Variants in OXGR1 observed in about 807,000 individuals in gnomAD.
The protein encoded by OXGR1 is oxoglutarate receptor 1, also known as 2-oxoglutarate receptor 1.
In OXGR1, 10 loss-of-function variants were observed where a neutral mutation model predicts 10.0. The observed-to-expected ratio is 1.00, with a 90% CI of 0.62 to 1.70. The LOEUF (loss-of-function observed/expected upper bound fraction) is 1.70, where lower values mean the gene tolerates loss of function less well. Ranked by LOEUF, OXGR1 falls within the 40% of genes most tolerant of loss-of-function variation. OXGR1 has a pLI of 0.00. For missense variants in OXGR1, 398 were observed against 407.6 expected (o/e 0.98, Z 0.20); for synonymous variants, 191 against 155.9 (o/e 1.22, Z -1.68).
At position 96,986,686 on chromosome 13, in the gene OXGR1, C is replaced by G. The variant is rs1242608682; in HGVS notation, c.*60G>C. 7.3e-6 allele frequency: 11 copies of G among 1,515,432 alleles called. No individual in the cohort carries two copies. In the African/African-American group the frequency reaches 1.4e-4, roughly 19 times the overall value. 93.9% of individuals were successfully genotyped at this position (1,515,432 alleles called of 1,614,324 possible). On this transcript the variant is annotated 3_prime_UTR_variant, in exon 4 of 4. Transcript: ENST00000541038. ...CCATTGAGGGAGACATCCTGAACAT[C>G]TTAGGATGCTAGGTAAAGTATCAGC...
At position 96,987,006 on chromosome 13, in the gene OXGR1, C is replaced by A. The variant is rs144457939; in HGVS notation, c.754G>T (p.Val252Leu). The A allele has an allele frequency of 1.9e-6, 3 of 1,614,174 alleles. No individual in the cohort carries two copies. The highest frequency in any genetic ancestry group is 2.2e-5 in the East Asian group (1 of 44,894). Residue 252 changes from valine to leucine, a missense_variant, in exon 4 of 4, where the codon GTA becomes TTA. Val to Leu is a conservative substitution (Grantham distance 32, BLOSUM62 1). Transcript: ENST00000541038. ...AAGATATGGAAGGGTAAAAAACATA[C>A]GTAAAATGCAAGGAGTAGCAGAATG... Reference protein sequence around the residue: ...LTILLLLAFYVCFLPFHILRV... With the variant: ...LTILLLLAFYLCFLPFHILRV...
At chr13:96,987,898 AAAATTATTC>A in intron 3 of OXGR1, 65 bp from the exon 4 acceptor site, 4 of 1,168,796 alleles carry the variant, frequency 3.4e-6, no homozygotes, top group Admixed American at 3.5e-5. Context: ...CTTTTAAATG[AAAATTATTC>A]TAACATCCTA....
intron 2 of OXGR1, among the ~76,000 whole-genome samples, chr13:96,990,032 C>A (rs184962470): frequency 7.1e-4 from 108 of 152,286 alleles, no homozygotes; most frequent in Non-Finnish European, 7.4e-5. Flanking sequence ...TAAATCATCT[C>A]TAGATTACTT....
At chr13:96,994,693 CTT>C (rs750331332), upstream of OXGR1, 22 of 145,784 alleles carry the variant, frequency 1.5e-4, no homozygotes, top group Middle Eastern at 3.5e-3. Context: ...CCCAGTGCCT[CTT>C]TTTTTTTTTT....
rs1327780008 is a variant in OXGR1, at chr13:96,986,397, C to T, written c.*349G>A. 4.9e-6 allele frequency: 1 copy of T among 204,858 alleles called. No homozygotes were observed. Among genetic ancestry groups the T allele is most frequent in the African/African-American group, 2.4e-5 (1 of 42,490 alleles). 12.7% of individuals were successfully genotyped at this position (204,858 alleles called of 1,614,324 possible). A position where few individuals can be genotyped will look rare whatever the true frequency, so the allele number is the denominator to read the frequency against. ...AAAGATTGGTTTTCTCCTATCTTGG[C>T]ACAAATTTACTGAGCAATCTAGGGC... On this transcript the variant is annotated 3_prime_UTR_variant, in exon 4 of 4. Transcript: ENST00000541038.
rs1279199724 is a variant in OXGR1, at chr13:96,987,089, G to C, written c.671C>G (p.Thr224Ser). The change falls in exon 4 of 4, where the codon ACT becomes AGT. Residue 224 changes from threonine to serine, a missense_variant. By Grantham distance (58) the Thr-to-Ser change is moderately conservative. Transcript: ENST00000541038. ...VTLCYTTIIH[T>S]LTHGLQTDSC... Reference sequence around the variant, plus strand: ...GTCAGTTTGCAGTCCATGGGTCAGAGTGTGGATAATCGTGGTATAGCAAAG... The same window carrying C: ...GTCAGTTTGCAGTCCATGGGTCAGACTGTGGATAATCGTGGTATAGCAAAG... 1.2e-6 allele frequency: 2 copies of C among 1,614,138 alleles called. No individual in the cohort carries two copies. The highest frequency in any genetic ancestry group is 1.3e-5 in the African/African-American group (1 of 74,942).
At position 96,987,716 on chromosome 13, in the gene OXGR1, G is replaced by T; in HGVS notation, c.44C>A (p.Pro15His). ...ATTTCCAAAAGCAGCTGCATAATCG[G>T]GGAAATCAGAAGCATTTGCTAAATA... ...LDYLANASDF[P>H]DYAAAFGNCT... is the part of the protein sequence containing the mutation. Residue 15 changes from proline (P) to histidine (H), a missense_variant, in exon 4 of 4, where the codon CCC (proline) becomes CAC (histidine). Transcript: ENST00000541038. 6.2e-7 allele frequency: 1 copy of T among 1,609,556 alleles called. No homozygotes were observed.
intron 2 of OXGR1, among the ~76,000 whole-genome samples, chr13:96,991,347 TGCCACAACTCA>T (rs1197618559): frequency 2.6e-5 from 4 of 152,186 alleles, no homozygotes; most frequent in Admixed American, 2.6e-4. Flanking sequence ...TGCAATTCAC[TGCCACAACTCA>T]GAACACCAGA....
intron 2 of OXGR1, among the ~76,000 whole-genome samples, chr13:96,990,179 C>T (rs1212609689): frequency 2.0e-5 from 3 of 152,174 alleles, no homozygotes; most frequent in Admixed American, 2.0e-4. Context: ...TGGATGGCTT[C>T]TCCCTTGGCA....
At chr13:96,988,336 T>G (rs7337843) in intron 3 of OXGR1, among the ~76,000 whole-genome samples, 81,747 of 151,938 alleles carry the variant, frequency 0.54, 22,331 homozygotes, top group South Asian at 0.67. Context: ...ACTCGCATTT[T>G]TCTGACTCAA....
rs565524916 is a variant in OXGR1, at chr13:96,987,625, G to C, written c.135C>G (p.Leu45=). 5 of 1,614,096 alleles carry C rather than the reference G, an allele frequency of 3.1e-6. No individual in the cohort carries two copies. In the South Asian group the frequency reaches 5.5e-5, roughly 18 times the overall value. The part of the protein sequence containing the change: ...YLPVIYGIIF[L]VGFPGNAVVI... ...CTACTGCATTGCCTGGAAATCCCAC[G>C]AGGAAGATAATGCCATAAATAACAG... Residue 45 remains leucine (L), a synonymous_variant, in exon 4 of 4, where the codon CTC becomes CTG. Coordinates refer to ENST00000541038, the MANE Select transcript of OXGR1 (RefSeq NM_001346194.2).
intron 2 of OXGR1, among the ~76,000 whole-genome samples, chr13:96,991,334 C>A (rs1362523272): frequency 2.0e-5 from 3 of 152,182 alleles, no homozygotes; most frequent in Non-Finnish European, 4.4e-5. Context: ...CTTCAGGGCC[C>A]AGTGCAATTC....
rs1458081087 is a variant in OXGR1 at position 96,986,936 on chromosome 13, G to C, written c.824C>G (p.Ser275Cys). ...IESRLLSISC[S>C]IENQIHEAYI... ...AGCTTCATGGATCTGATTCTCAATG[G>C]AACAACTGATTGAAAGCAGGCGAGA... The change falls in exon 4 of 4, where the codon TCC (serine) becomes TGC (cysteine). Residue 275 changes from serine to cysteine, a missense_variant. Ser to Cys is a moderately radical substitution (Grantham distance 112). Coordinates refer to ENST00000541038, the MANE Select transcript of OXGR1 (RefSeq NM_001346194.2). 6.2e-6 allele frequency: 10 copies of C among 1,613,996 alleles called. No homozygotes were observed. Among genetic ancestry groups the C allele is most frequent in the Non-Finnish European group, 8.5e-6 (10 of 1,180,002 alleles).
intron 3 of OXGR1, among the ~76,000 whole-genome samples, chr13:96,989,009 A>G (rs1455575954): frequency 6.6e-6 from 1 of 152,226 alleles, no homozygotes; most frequent in Non-Finnish European, 1.5e-5. Context: ...GGAAGTGGAC[A>G]TGGCAAATTA....
chr13:96,994,188 C>G (rs1188599225), intron 1 of OXGR1, 110 bp downstream of exon 1: 1 of 152,386 alleles, frequency 6.6e-6, no homozygotes, highest in African/African-American at 2.4e-5. Context: ...CGGGGGTGCT[C>G]TTTCCCCTGC....
At chr13:96,990,712 G>A (rs1045437683) in intron 2 of OXGR1, among the ~76,000 whole-genome samples, 65 of 152,144 alleles carry the variant, frequency 4.3e-4, no homozygotes, top group African/African-American at 1.5e-3. Flanking sequence ...GGGAGGCTGA[G>A]GCAGGCGGAT....
chr13:96,985,731 G>A lies in OXGR1; in HGVS notation c.*1015C>T, dbSNP rs1411143987. ...CAGCCTATTACATAATTATAAATAA[G>A]TTTATTAACTGTACCAACATGTTTA... On this transcript the variant is annotated 3_prime_UTR_variant, in exon 4 of 4. Transcript: ENST00000541038. 6.6e-6 allele frequency: 1 copy of A among 152,134 alleles called. No individual in the cohort carries two copies. Among genetic ancestry groups the A allele is most frequent in the African/African-American group, 2.4e-5 (1 of 41,416 alleles). The allele number at this position is 152,134 out of a possible 1,614,324, so 9.4% of individuals were successfully genotyped here. A position where few individuals can be genotyped will look rare whatever the true frequency, so the allele number is the denominator to read the frequency against.
At chr13:96,992,309 T>G (rs943655922) in intron 2 of OXGR1, 113 bp downstream of exon 2, 1 of 152,208 alleles carries the variant, frequency 6.6e-6, no homozygotes, top group African/African-American at 2.4e-5. Flanking sequence ...TATGATGTGC[T>G]TATTTCACAT....
Position 96,986,626 on chromosome 13 carries a change from A to G in OXGR1, c.*120T>C. On this transcript the variant is annotated 3_prime_UTR_variant, in exon 4 of 4. Transcript: ENST00000541038. The stretch of plus-strand genomic sequence containing the variant: ...AGAAGCTCTGCCCTGGCTTTGGCAC[A>G]TGATTACTTGAATACACAGTATTTA... The G allele has an allele frequency of 9.2e-7, 1 of 1,089,078 alleles. No homozygotes were observed. Among genetic ancestry groups the G allele is most frequent in the Non-Finnish European group, 1.3e-6 (1 of 768,020 alleles). The allele number at this position is 1,089,078 out of a possible 1,614,324, so 67.5% of individuals were successfully genotyped here.
Sources: allele counts gnomAD v4.1 joint callset (sites outside exome capture counted in the v4.1 genomes callset), GRCh38; gene constraint gnomAD v4.1.1; transcripts MANE v1.5; gene names NCBI Gene and HGNC (gene_info 2026-07-23, HGNC 2026-07-21).